GPC6: variants seen among roughly 807,000 people sequenced by gnomAD.
The protein encoded by GPC6 is glypican 6.
Under a neutral mutation model 55.2 loss-of-function variants are expected in GPC6, and 14 were observed. The observed-to-expected ratio is 0.25, with a 90% confidence interval of 0.17 to 0.40. The LOEUF (loss-of-function observed/expected upper bound fraction) is 0.40, where lower values mean the gene tolerates loss of function less well. Among genes scored for constraint, GPC6 ranks in the 10% least tolerant of loss-of-function variants. The pLI is 1.00. For synonymous variants in GPC6, 278 were observed against 259.6 expected, an observed-to-expected ratio of 1.07 and a Z score of -0.68; for missense variants, 641 against 708.5, an observed-to-expected ratio of 0.90 and a Z score of 1.08.
intron 4 of GPC6, among the ~76,000 whole-genome samples, chr13:94,107,670 T>C (rs1886105707): frequency 1.3e-5 from 2 of 151,580 alleles, no homozygotes; most frequent in East Asian, 1.9e-4. Context: ...CTATAAAATA[T>C]GTTAGGTTTA....
intron 6 of GPC6, among the ~76,000 whole-genome samples, chr13:94,312,452 T>C (rs2139119423): frequency 6.6e-6 from 1 of 152,356 alleles, no homozygotes; most frequent in Admixed American, 6.5e-5. Flanking sequence ...TCTTTGGGGC[T>C]GTTTTGGTGC....
intron 1 of GPC6, among the ~76,000 whole-genome samples, chr13:93,242,739 G>A (rs2139017361): frequency 6.6e-6 from 1 of 152,278 alleles, no homozygotes; most frequent in East Asian, 1.9e-4. Context: ...AGAAAAGCCT[G>A]CACTCTGTTT....
At chr13:93,819,631 C>T (rs1886976364) in intron 2 of GPC6, among the ~76,000 whole-genome samples, 2 of 152,144 alleles carry the variant, frequency 1.3e-5, no homozygotes, top group African/African-American at 2.4e-5. Flanking sequence ...AAGTCAACTG[C>T]GAAAGCATCT....
At chr13:94,368,470 A>G (rs980662538) in intron 6 of GPC6, among the ~76,000 whole-genome samples, 1 of 152,210 alleles carries the variant, frequency 6.6e-6, no homozygotes, top group Non-Finnish European at 1.5e-5. Context: ...CCCAAACATT[A>G]CATTACAGAG....
intron 6 of GPC6, among the ~76,000 whole-genome samples, chr13:94,335,023 C>T (rs974246145): frequency 1.3e-5 from 2 of 152,184 alleles, no homozygotes; most frequent in African/African-American, 4.8e-5. Context: ...GAAGTACATG[C>T]AGTTATTACT....
intron 2 of GPC6, among the ~76,000 whole-genome samples, chr13:93,570,950 G>C (rs2139474243): frequency 6.6e-6 from 1 of 152,136 alleles, no homozygotes; most frequent in Admixed American, 6.5e-5. Context: ...TTATTGGTTT[G>C]ACGAGAGTCC....
At chr13:94,144,551 GT>G (rs1887496413) in intron 4 of GPC6, among the ~76,000 whole-genome samples, 1 of 16,668 alleles carries the variant, frequency 6.0e-5, no homozygotes, top group Admixed American at 8.4e-4. Context: ...GTGTGTATGT[GT>G]GTGTGTGTGT....
At chr13:93,432,262 C>T (rs2590536) in intron 1 of GPC6, among the ~76,000 whole-genome samples, 151,734 of 152,302 alleles carry the variant, frequency 1, 75,588 homozygotes, top group Middle Eastern at 1. Context: ...GGGTAGGTAA[C>T]GAGCAACAGT....
intron 3 of GPC6, among the ~76,000 whole-genome samples, chr13:94,001,961 G>C (rs1881824609): frequency 6.6e-6 from 1 of 152,022 alleles, no homozygotes; most frequent in Non-Finnish European, 1.5e-5. Context: ...GGGAGGTTTT[G>C]GTCAATGTGA....
intron 4 of GPC6, among the ~76,000 whole-genome samples, chr13:94,140,053 C>T (rs1164304618): frequency 3.3e-5 from 5 of 151,110 alleles, no homozygotes; most frequent in African/African-American, 9.7e-5. Flanking sequence ...TTAATAAGCC[C>T]ATTCAGGTTT....
At chr13:94,136,329 A>G (rs1482023664) in intron 4 of GPC6, among the ~76,000 whole-genome samples, 1 of 152,146 alleles carries the variant, frequency 6.6e-6, no homozygotes, top group African/African-American at 2.4e-5. Context: ...AGAATACAGT[A>G]CAAGAGAGTG....
chr13:93,830,843 A>G (rs577726008), intron 3 of GPC6: 17 of 332,004 alleles, frequency 5.1e-5, no homozygotes, highest in African/African-American at 3.7e-4. Context: ...GCACGTTGCA[A>G]CTATGATCAT....
chr13:94,316,806 G>C (rs1453696913), intron 6 of GPC6, among the ~76,000 whole-genome samples: 4 of 152,078 alleles, frequency 2.6e-5, no homozygotes, highest in Non-Finnish European at 5.9e-5. Context: ...TTTTAAATGA[G>C]GCTTTGATAT....
chr13:93,650,965 A>G (rs1880384027), intron 2 of GPC6, among the ~76,000 whole-genome samples: 1 of 152,178 alleles, frequency 6.6e-6, no homozygotes. Flanking sequence ...ACTTCCTTGA[A>G]AAATGTGCAT....
chr13:93,419,406 A>G (rs1044911453), intron 1 of GPC6, among the ~76,000 whole-genome samples: 1 of 152,016 alleles, frequency 6.6e-6, no homozygotes, highest in African/African-American at 2.4e-5. Context: ...GTTTGTAGCA[A>G]TTAAAATACT....
At chr13:93,318,068 A>G (rs1235216946) in intron 1 of GPC6, among the ~76,000 whole-genome samples, 1 of 152,212 alleles carries the variant, frequency 6.6e-6, no homozygotes, top group Non-Finnish European at 1.5e-5. Context: ...GACTAGCCAG[A>G]GAATTTCTGA....
intron 2 of GPC6, among the ~76,000 whole-genome samples, chr13:93,573,628 T>C (rs9524134): frequency 0.65 from 98,284 of 151,876 alleles, 34,693 homozygotes; most frequent in Non-Finnish European, 0.8. Flanking sequence ...GAAAAAAGGG[T>C]TAGGTACTGG....
chr13:94,020,944 A>G (rs771192318), intron 3 of GPC6, among the ~76,000 whole-genome samples: 15 of 152,258 alleles, frequency 9.9e-5, no homozygotes, highest in Admixed American at 2.6e-4. Flanking sequence ...ATGTAATTTA[A>G]TCATTCTTTA....
intron 3 of GPC6, among the ~76,000 whole-genome samples, chr13:94,006,062 A>C (rs528736503): frequency 6.6e-6 from 1 of 152,324 alleles, no homozygotes; most frequent in South Asian, 2.1e-4. Flanking sequence ...ACAGTAAATG[A>C]ACATGACAGA....
Sources: allele counts gnomAD v4.1 joint callset (sites outside exome capture counted in the v4.1 genomes callset), GRCh38; gene constraint gnomAD v4.1.1; transcripts MANE v1.5; gene names NCBI Gene and HGNC (gene_info 2026-07-23, HGNC 2026-07-21).